The following CPLANE1 variants were observed in gnomAD, a reference collection of about 807,000 sequenced individuals.
CPLANE1 encodes the protein ciliogenesis and planar polarity effector 1.
A neutral mutation model predicts 362.5 loss-of-function variants in CPLANE1; 263 were observed. That is an observed-to-expected ratio of 0.73 (90% CI 0.66 to 0.80). The LOEUF is 0.80. Ranked by LOEUF, CPLANE1 falls within the 30% of genes least tolerant of loss-of-function variation. The pLI is 0.00. For synonymous variants in CPLANE1, 1,212 were observed against 1,302.6 expected, an observed-to-expected ratio of 0.93 and a Z score of 1.50; for missense variants, 3,461 against 3,793.4, an observed-to-expected ratio of 0.91 and a Z score of 2.30.
At chr5:37,205,155 T>C (rs1790356176) in intron 18 of CPLANE1, 160 bp downstream of exon 18, 2 of 493,240 alleles carry the variant, frequency 4.1e-6, no homozygotes, top group South Asian at 1.7e-4. Flanking sequence ...ACACTCCATC[T>C]CAAAAAATAA....
chr5:37,201,511 G>A (rs1257630385), intron 19 of CPLANE1, 80 bp downstream of exon 19: 3 of 1,173,588 alleles, frequency 2.6e-6, no homozygotes, highest in African/African-American at 1.6e-5. Flanking sequence ...TTAACCTGAT[G>A]ATTATTATCA....
chr5:37,179,871 A>G, intron 28 of CPLANE1, 146 bp downstream of exon 28: 2 of 450,876 alleles, frequency 4.4e-6, no homozygotes, highest in South Asian at 1.0e-4. Flanking sequence ...AATATTTCAT[A>G]AATATTTAAT....
chr5:37,122,525 A>C (rs1305919497), intron 47 of CPLANE1, 37 bp from the exon 48 acceptor site: 1 of 1,483,516 alleles, frequency 6.7e-7, no homozygotes, highest in Non-Finnish European at 9.3e-7. Context: ...ATTATTGTTC[A>C]ATCCAAATAA....
chr5:37,187,970 C>A, intron 21 of CPLANE1, 128 bp from the exon 22 acceptor site: 1 of 509,762 alleles, frequency 2.0e-6, no homozygotes, highest in African/African-American at 1.9e-5. Flanking sequence ...AAAATGAACA[C>A]ATGCTCATTG....
At position 37,184,491 on chromosome 5, in the gene CPLANE1, C is replaced by CT. The variant is rs551867117; in HGVS notation, c.4481+296dup. Among the ~76,000 whole-genome samples the CT allele has an allele frequency of 1.7e-4, 26 of 152,066 alleles. 1 individual carries two copies. In the South Asian group the frequency reaches 5.2e-3, roughly 30 times the overall value. ...TCAAACTATTTAAGTCTAAAGATTA[C>CT]TAAAAAAAACTGAAAGTCCTCCAGT... On this transcript the variant is annotated intron_variant, in intron 25 of 52. Coordinates refer to ENST00000651892, the MANE Select transcript of CPLANE1 (RefSeq NM_001384732.1).
chr5:37,115,721 C>T (rs1335422266), intron 50 of CPLANE1, among the ~76,000 whole-genome samples: 1 of 151,410 alleles, frequency 6.6e-6, no homozygotes, highest in Admixed American at 6.6e-5. Context: ...CTCAGCTTCC[C>T]GAGCAGCTGG....
intron 18 of CPLANE1, among the ~76,000 whole-genome samples, chr5:37,204,714 A>G (rs1790193901): frequency 6.6e-6 from 1 of 151,738 alleles, no homozygotes; most frequent in South Asian, 2.1e-4. Context: ...AGAGAGCTGT[A>G]ACACTGCGGC....
At chr5:37,170,770 T>C (rs1779587577) in intron 32 of CPLANE1, among the ~76,000 whole-genome samples, 1 of 152,128 alleles carries the variant, frequency 6.6e-6, no homozygotes, top group Non-Finnish European at 1.5e-5. Flanking sequence ...ACCCCATCTC[T>C]ACTAAAAATA....
intron 8 of CPLANE1, among the ~76,000 whole-genome samples, chr5:37,233,507 G>A (rs879387207): frequency 3.9e-5 from 6 of 151,952 alleles, no homozygotes; most frequent in Admixed American, 3.3e-4. Flanking sequence ...CAGGGAACAG[G>A]GGAGACCAAG....
chr5:37,139,019 G>C (rs1768773929), intron 45 of CPLANE1, among the ~76,000 whole-genome samples, 171 bp from the exon 46 acceptor site: 2 of 152,114 alleles, frequency 1.3e-5, no homozygotes, highest in South Asian at 2.1e-4. Context: ...TCAACAAAAA[G>C]TAATGACTTG....
At position 37,226,689 on chromosome 5, in the gene CPLANE1, T is replaced by C. The variant is rs907512434; in HGVS notation, c.1906A>G (p.Ile636Val). The C allele has an allele frequency of 5.8e-6, 9 of 1,550,914 alleles. No individual in the cohort carries two copies. The highest frequency in any genetic ancestry group is 7.8e-6 in the Non-Finnish European group (9 of 1,146,670). Residue 636 changes from isoleucine to valine, a missense_variant, in exon 12 of 53, where the codon ATC becomes GTC. This residue lies in a region of CPLANE1 where 3,380 missense variants were observed against 3,666.1 expected (regional missense o/e 0.92). Transcript: ENST00000651892. ...AAACACTGATGAAAAAGTTGAAAGA[T>C]ACAAAGTATCCATGCATTATGTCTT... is the stretch of plus-strand genomic sequence containing the variant. ...SSRHNAWILC[I>V]FQLFHQCLSI...
intron 20 of CPLANE1, among the ~76,000 whole-genome samples, chr5:37,196,694 A>T (rs1787571964): frequency 6.6e-6 from 1 of 152,198 alleles, no homozygotes; most frequent in Non-Finnish European, 1.5e-5. Flanking sequence ...AGGGAGGCCG[A>T]GGTGGGCAGA....
chr5:37,200,952 T>C (rs1301117681), intron 19 of CPLANE1, among the ~76,000 whole-genome samples: 1 of 152,116 alleles, frequency 6.6e-6, no homozygotes, highest in Non-Finnish European at 1.5e-5. Context: ...GCCTACTGAG[T>C]AGCTGAGACT....
intron 8 of CPLANE1, among the ~76,000 whole-genome samples, chr5:37,233,416 C>T (rs952010955): frequency 1.1e-4 from 17 of 152,054 alleles, no homozygotes; most frequent in Non-Finnish European, 2.2e-4. Flanking sequence ...GCCCAAGGTA[C>T]CATTTTGACT....
chr5:37,141,747 CA>C, intron 44 of CPLANE1: 6 of 982,156 alleles, frequency 6.1e-6, no homozygotes, highest in Non-Finnish European at 7.3e-6. Context: ...ATTCATAGGA[CA>C]AAGTATATTC....
At chr5:37,225,852 C>CAAAAA (rs70976285) in intron 12 of CPLANE1, among the ~76,000 whole-genome samples, 7 of 57,746 alleles carry the variant, frequency 1.2e-4, no homozygotes, top group African/African-American at 1.9e-4. Flanking sequence ...TACTCCATCT[C>CAAAAA]AAAAAAAAAA....
intron 46 of CPLANE1, chr5:37,130,425 G>A (rs1033394274): frequency 4.6e-6 from 1 of 217,084 alleles, no homozygotes; most frequent in African/African-American, 2.3e-5. Flanking sequence ...GAGTATCAAA[G>A]ACAATGGCCA....
At chr5:37,212,465 A>G (rs1248860447) in intron 16 of CPLANE1, 1 of 681,884 alleles carries the variant, frequency 1.5e-6, no homozygotes, top group Non-Finnish European at 2.7e-6. Flanking sequence ...CTCTATCAAC[A>G]GATAAAACTC....
chr5:37,115,676 A>G (rs1480201559), intron 50 of CPLANE1, among the ~76,000 whole-genome samples: 2 of 147,056 alleles, frequency 1.4e-5, no homozygotes, highest in African/African-American at 5.1e-5. Context: ...CACTCACTGC[A>G]ACCTCCACCT....
Sources: allele counts gnomAD v4.1 joint callset (sites outside exome capture counted in the v4.1 genomes callset), GRCh38; gene constraint gnomAD v4.1.1; regional missense constraint gnomAD v4.1.1; transcripts MANE v1.5; gene names NCBI Gene and HGNC (gene_info 2026-07-23, HGNC 2026-07-21).